GCA: variants seen among roughly 807,000 people sequenced by gnomAD.
The protein encoded by GCA is grancalcin, also known as grancalcin, EF-hand calcium-binding protein.
Under a neutral mutation model 32.6 loss-of-function variants are expected in GCA, and 30 were observed. The observed-to-expected ratio is 0.92, with a 90% CI of 0.69 to 1.25. The LOEUF is 1.25. Among genes scored for constraint, GCA ranks in the 50% most tolerant of loss-of-function variants. The pLI is 0.00. For missense variants in GCA, 291 were observed against 266.8 expected (o/e 1.09, Z -0.63); for synonymous variants, 102 against 84.6 (o/e 1.21, Z -1.13).
chr2:162,348,753 A>T (rs919446907), intron 2 of GCA, among the ~76,000 whole-genome samples: 1 of 152,134 alleles, frequency 6.6e-6, no homozygotes, highest in East Asian at 1.9e-4. Context: ...ACCATACCAC[A>T]GTTTATTCTT....
intron 1 of GCA, among the ~76,000 whole-genome samples, chr2:162,328,746 C>T (rs940548433): frequency 6.6e-6 from 1 of 152,180 alleles, no homozygotes; most frequent in Non-Finnish European, 1.5e-5. Flanking sequence ...GTTGCAAGGA[C>T]AGAGGGCTTT....
intron 1 of GCA, among the ~76,000 whole-genome samples, chr2:162,324,259 T>G (rs1189471583): frequency 6.6e-6 from 1 of 152,222 alleles, no homozygotes; most frequent in Non-Finnish European, 1.5e-5. Context: ...GTTCTTGACT[T>G]GGTATACTGG....
chr2:162,324,354 G>T (rs1479451142), intron 1 of GCA, among the ~76,000 whole-genome samples: 1 of 152,138 alleles, frequency 6.6e-6, no homozygotes, highest in Non-Finnish European at 1.5e-5. Context: ...AGAAGGGGAT[G>T]GAGTGGAAAG....
intron 1 of GCA, among the ~76,000 whole-genome samples, chr2:162,329,975 C>A (rs1433967818): frequency 2.0e-5 from 3 of 152,144 alleles, no homozygotes; most frequent in Non-Finnish European, 4.4e-5. Context: ...GCCTCTAGCT[C>A]CATCCACGTC....
intron 3 of GCA, among the ~76,000 whole-genome samples, chr2:162,353,174 T>TA (rs368569351): frequency 0.023 from 3,407 of 148,560 alleles, 131 homozygotes; most frequent in African/African-American, 0.078. Context: ...CTTCTTAATA[T>TA]AAAAAAAAAA....
In GCA at chr2:162,362,221, G is replaced by C; in HGVS notation, c.*1978G>C. 3.0e-6 allele frequency: 3 copies of C among 984,288 alleles called. No individual in the cohort carries two copies. Among genetic ancestry groups the C allele is most frequent in the Non-Finnish European group, 3.6e-6 (3 of 829,252 alleles). The allele number at this position is 984,288 out of a possible 1,614,324, so 61.0% of individuals were successfully genotyped here. A position where few individuals can be genotyped will look rare whatever the true frequency, so the allele number is the denominator to read the frequency against. ...AAATCAGTCATGTTTAATTTTATTT[G>C]ACCCAGTTTTTTCCAAACTTTTTGA... On this transcript the variant is annotated 3_prime_UTR_variant, in exon 8 of 8. Transcript: ENST00000437150.
chr2:162,322,621 T>C (rs1683719282), intron 1 of GCA, among the ~76,000 whole-genome samples: 1 of 141,624 alleles, frequency 7.1e-6, no homozygotes. Flanking sequence ...TGTGTTCGCA[T>C]TGTTCAATTC....
At chr2:162,350,863 A>G (rs1457480004) in intron 2 of GCA, among the ~76,000 whole-genome samples, 2 of 152,182 alleles carry the variant, frequency 1.3e-5, no homozygotes, top group Non-Finnish European at 2.9e-5. Context: ...GGATGAATTA[A>G]CTATCCCATT....
chr2:162,373,642 G>C (rs745870661), downstream of GCA: 57 of 1,525,190 alleles, frequency 3.7e-5, no homozygotes, highest in Non-Finnish European at 4.6e-5. Flanking sequence ...CTGGATGTCA[G>C]TGGTCATTTG....
At chr2:162,352,911 T>C (rs546381250) in intron 3 of GCA, among the ~76,000 whole-genome samples, 6 of 152,306 alleles carry the variant, frequency 3.9e-5, no homozygotes, top group Admixed American at 1.3e-4. Context: ...CTGTATCTTA[T>C]GATAATGTAT....
rs577675060 is a variant in GCA at position 162,319,281 on chromosome 2, G to A, written c.-31+56G>A. 420 of 456,396 alleles carry A rather than the reference G, an allele frequency of 9.2e-4. 1 individual carries two copies. The highest frequency in any genetic ancestry group is 6.4e-3 in the South Asian group (411 of 64,538). 28.3% of individuals were successfully genotyped at this position (456,396 alleles called of 1,614,324 possible). On this transcript the variant is annotated intron_variant, in intron 1 of 4. Transcript: ENST00000429691. Reference sequence around the variant, plus strand: ...AGTTAACTTTACTGCCTCATATTTAGATTGCTGGTATTTATGCAGCTTTGA... The same window carrying A: ...AGTTAACTTTACTGCCTCATATTTAAATTGCTGGTATTTATGCAGCTTTGA...
At chr2:162,329,805 G>A (rs544831556) in intron 1 of GCA, among the ~76,000 whole-genome samples, 3 of 152,012 alleles carry the variant, frequency 2.0e-5, no homozygotes, top group East Asian at 1.9e-4. Context: ...GTACCCATTC[G>A]TTATTTTTCA....
At chr2:162,359,285 A>C (rs751574389) in intron 6 of GCA, 128 bp downstream of exon 6, 2 of 662,500 alleles carry the variant, frequency 3.0e-6, no homozygotes, top group Non-Finnish European at 5.4e-6. Context: ...AAATCTAATT[A>C]GTTTAAAGGC....
At chr2:162,370,735 ATTGCACATTTT>A (rs1365196579) in intron 4 of GCA, among the ~76,000 whole-genome samples, 5 of 152,050 alleles carry the variant, frequency 3.3e-5, no homozygotes, top group Admixed American at 3.3e-4. Context: ...ATCCACTGAA[ATTGCACATTTT>A]TTGAAAACTG....
rs564594256 is a variant in GCA at position 162,362,211 on chromosome 2, A to C, written c.*1968A>C. 3.0e-6 allele frequency: 3 copies of C among 983,998 alleles called. No individual in the cohort carries two copies. The highest frequency in any genetic ancestry group is 4.7e-5 in the South Asian group (1 of 21,266). 61.0% of individuals were successfully genotyped at this position (983,998 alleles called of 1,614,324 possible). ...AAGGTTAATAAAATCAGTCATGTTTAATTTTATTTGACCCAGTTTTTTCCA... is the reference window on the plus strand; with the variant it reads ...AAGGTTAATAAAATCAGTCATGTTTCATTTTATTTGACCCAGTTTTTTCCA... On this transcript the variant is annotated 3_prime_UTR_variant, in exon 8 of 8. Transcript: ENST00000437150.
chr2:162,353,931 T>C (rs1480060149), intron 3 of GCA, among the ~76,000 whole-genome samples: 1 of 152,108 alleles, frequency 6.6e-6, no homozygotes, highest in Non-Finnish European at 1.5e-5. Context: ...GGAATTTTCC[T>C]CAACTTTATT....
chr2:162,330,524 G>A (rs546698663), intron 1 of GCA, among the ~76,000 whole-genome samples: 8 of 152,334 alleles, frequency 5.3e-5, no homozygotes, highest in African/African-American at 1.9e-4. Flanking sequence ...ATCTCCAATA[G>A]GTAGTGCTGA....
rs1428469521 is a variant in GCA at position 162,326,486 on chromosome 2, T to C, written c.-31+7261T>C. Among the ~76,000 whole-genome samples the C allele has an allele frequency of 3.9e-5, 6 of 152,268 alleles. No individual in the cohort carries two copies. In the East Asian group the frequency reaches 9.7e-4, roughly 25 times the overall value. On this transcript the variant is annotated intron_variant, in intron 1 of 4. Coordinates refer to the GCA transcript ENST00000429691. Reference sequence around the variant, plus strand: ...GTTGCCCATTCTGAAAGACAGGGAATAGAGGCATCCCTCATTTCCCTTCTT... The same window carrying C: ...GTTGCCCATTCTGAAAGACAGGGAACAGAGGCATCCCTCATTTCCCTTCTT...
Position 162,360,473 on chromosome 2 carries a change from T to G in GCA, c.*230T>G. The G allele has an allele frequency of 1.0e-6, 1 of 997,080 alleles. No individual in the cohort carries two copies. The highest frequency in any genetic ancestry group is 1.3e-6 in the Non-Finnish European group (1 of 749,194). 61.8% of individuals were successfully genotyped at this position (997,080 alleles called of 1,614,324 possible). On this transcript the variant is annotated 3_prime_UTR_variant, in exon 8 of 8. Transcript: ENST00000437150. The stretch of plus-strand genomic sequence containing the variant: ...AGTTATTTTATAAATATGTGCATAT[T>G]GTCATAAAATATTGTATGATTAATT...
Sources: allele counts gnomAD v4.1 joint callset (sites outside exome capture counted in the v4.1 genomes callset), GRCh38; gene constraint gnomAD v4.1.1; transcripts MANE v1.5; gene names NCBI Gene and HGNC (gene_info 2026-07-23, HGNC 2026-07-21).